The following PARVB variants were observed in gnomAD, a reference collection of about 807,000 sequenced individuals.
PARVB encodes the protein beta-parvin.
Under a neutral mutation model 47.0 loss-of-function variants are expected in PARVB, and 46 were observed. The observed-to-expected ratio is 0.98, with a 90% CI of 0.77 to 1.25. The LOEUF (loss-of-function observed/expected upper bound fraction) is 1.25. Among genes scored for constraint, PARVB ranks in the 50% most tolerant of loss-of-function variants. PARVB has a pLI of 0.00. For missense variants in PARVB, 473 were observed against 471.6 expected, an observed-to-expected ratio of 1.00 and a Z score of -0.03; for synonymous variants, 196 against 196.3, an observed-to-expected ratio of 1.00 and a Z score of 0.01.
intron 4 of PARVB, 151 bp downstream of exon 4, chr22:44,119,291 C>G: frequency 1.5e-6 from 1 of 648,708 alleles, no homozygotes; most frequent in Non-Finnish European, 2.8e-6. Context: ...GTGCCCAGGC[C>G]CTGGGCTGTG....
At chr22:44,030,513 C>T (rs73436651) in intron 1 of PARVB, among the ~76,000 whole-genome samples, 1,902 of 152,066 alleles carry the variant, frequency 0.013, 37 homozygotes, top group African/African-American at 0.04. Flanking sequence ...GAGCTTGGAA[C>T]CCTTGCTGGG....
chr22:44,034,283 GTGTCTTT>G (rs2050877535), intron 1 of PARVB, among the ~76,000 whole-genome samples: 1 of 144,334 alleles, frequency 6.9e-6, no homozygotes, highest in Non-Finnish European at 1.5e-5. Flanking sequence ...TTTGAGATGG[GTGTCTTT>G]ATACATATAT....
At chr22:44,076,013 A>T (rs572858706) in intron 1 of PARVB, among the ~76,000 whole-genome samples, 1 of 152,310 alleles carries the variant, frequency 6.6e-6, no homozygotes, top group East Asian at 1.9e-4. Context: ...GGGGCAGGGG[A>T]CCTGGAGCGC....
At chr22:44,146,779 A>T (rs1262932701) in intron 8 of PARVB, 1 of 152,492 alleles carries the variant, frequency 6.6e-6, no homozygotes, top group Non-Finnish European at 1.5e-5. Context: ...CTCCCTGTCA[A>T]GCTGGGCTCC....
rs546780448 is a variant in PARVB, at chr22:44,057,900, G to T, written c.112+33449G>T. Among the ~76,000 whole-genome samples the T allele has an allele frequency of 4.6e-5, 7 of 152,150 alleles. No homozygotes were observed. The South Asian group carries it at 1.5e-3, about 32-fold the overall frequency. ...AGCCTCCCAGTGTGGCATGAGCTTT[G>T]CTGGAAGCCTGGGCTCTTTGAGAGG... On this transcript the variant is annotated intron_variant, in intron 1 of 12. Coordinates refer to ENST00000338758, the MANE Select transcript of PARVB (RefSeq NM_013327.5).
chr22:44,123,952 A>G (rs2053130616), intron 4 of PARVB, among the ~76,000 whole-genome samples: 1 of 152,250 alleles, frequency 6.6e-6, no homozygotes. Context: ...AGGAGTTGTT[A>G]TTGCTGTTGT....
intron 1 of PARVB, among the ~76,000 whole-genome samples, chr22:44,079,508 A>G (rs1601570361): frequency 6.6e-6 from 1 of 152,098 alleles, no homozygotes; most frequent in African/African-American, 2.4e-5. Flanking sequence ...AACCCATTAA[A>G]TCCCCAGGCT....
rs16991435 is a variant in PARVB at position 44,090,089 on chromosome 22, G to T, written c.113-3839G>T. ...TGTGGGCCATGTGTGGGTGCTCACG[G>T]TTCCCCTTATTCCTCAGGAAATGTG... On this transcript the variant is annotated intron_variant, in intron 1 of 12. Transcript: ENST00000338758. Among the ~76,000 whole-genome samples the T allele has an allele frequency of 2.5e-3, 374 of 152,296 alleles. 2 individuals carry two copies. Among genetic ancestry groups the T allele is most frequent in the African/African-American group, 8.6e-3 (359 of 41,564 alleles).
In PARVB at chr22:44,068,484, G is replaced by A. The variant is rs1028314788; in HGVS notation, c.113-25444G>A. ...TTCAAGGACCTTCCTTTGGGGAAGTGAGTGCTCCCGAGAGCAGCCTGCCGC... is the reference window on the plus strand; with the variant it reads ...TTCAAGGACCTTCCTTTGGGGAAGTAAGTGCTCCCGAGAGCAGCCTGCCGC... On this transcript the variant is annotated intron_variant, in intron 1 of 12. Coordinates refer to ENST00000338758, the MANE Select transcript of PARVB (RefSeq NM_013327.5). The surrounding 1 kb of genome is among the most constrained non-coding windows in gnomAD (Gnocchi z 4.1). 2.0e-5 allele frequency among the ~76,000 whole-genome samples: 3 copies of A among 152,182 alleles called. No homozygotes were observed. The highest frequency in any genetic ancestry group is 2.9e-5 in the Non-Finnish European group (2 of 68,034).
chr22:44,066,624 C>T lies in PARVB; in HGVS notation c.113-27304C>T, dbSNP rs988905576. Among the ~76,000 whole-genome samples the T allele has an allele frequency of 1.3e-5, 2 of 152,300 alleles. 1 individual carries two copies. Among genetic ancestry groups the T allele is most frequent in the African/African-American group, 4.8e-5 (2 of 41,560 alleles). On this transcript the variant is annotated intron_variant, in intron 1 of 12. Coordinates refer to ENST00000338758, the MANE Select transcript of PARVB (RefSeq NM_013327.5). ...ACACATCTGAGTTGAGATCCTGATA[C>T]GCACCCTGTATAAGACCTTCAACAG...
chr22:44,003,546 G>A (rs1195731300), intron 2 of PARVB, among the ~76,000 whole-genome samples: 1 of 152,102 alleles, frequency 6.6e-6, no homozygotes, highest in Admixed American at 6.5e-5. Context: ...AATGTGCTGC[G>A]GCAGCCACGC....
intron 8 of PARVB, chr22:44,140,825 G>C: frequency 3.6e-6 from 1 of 276,668 alleles, no homozygotes; most frequent in South Asian, 3.7e-5. Flanking sequence ...AAGAGAGAGA[G>C]GTAATCACTC....
At chr22:44,114,401 C>G (rs1374728778) in intron 3 of PARVB, 1 of 122,752 alleles carries the variant, frequency 8.1e-6, no homozygotes, top group African/African-American at 3.6e-5. Context: ...TACATTGTTA[C>G]TAAGGCCCTG....
At chr22:44,036,942 G>A (rs560016278) in intron 1 of PARVB, among the ~76,000 whole-genome samples, 26 of 151,538 alleles carry the variant, frequency 1.7e-4, no homozygotes, top group South Asian at 1.3e-3. Context: ...CCATGATTGC[G>A]CCACTGCACT....
At chr22:44,159,216 C>A (rs1037605886) in intron 11 of PARVB, among the ~76,000 whole-genome samples, 5 of 152,206 alleles carry the variant, frequency 3.3e-5, no homozygotes, top group Non-Finnish European at 7.3e-5. Flanking sequence ...CATTTCCAGG[C>A]CCCGATATGG....
intron 1 of PARVB, among the ~76,000 whole-genome samples, chr22:44,065,208 G>C (rs2051495855): frequency 6.6e-6 from 1 of 152,096 alleles, no homozygotes; most frequent in Admixed American, 6.5e-5. Flanking sequence ...TTCCCCAGAT[G>C]AATCAGGGGA....
At chr22:44,102,592 C>CATGAAAA (rs2052474224) in intron 3 of PARVB, among the ~76,000 whole-genome samples, 1 of 152,046 alleles carries the variant, frequency 6.6e-6, no homozygotes, top group South Asian at 2.1e-4. Context: ...AATCCCAGCG[C>CATGAAAA]CCTGGGAGGC....
intron 11 of PARVB, among the ~76,000 whole-genome samples, chr22:44,158,324 G>A (rs902811054): frequency 2.0e-5 from 3 of 152,174 alleles, no homozygotes; most frequent in Admixed American, 1.3e-4. Flanking sequence ...CCATGGGACC[G>A]TGTAGTTTTT....
At chr22:44,088,178 C>T (rs1307299859) in intron 1 of PARVB, among the ~76,000 whole-genome samples, 2 of 152,162 alleles carry the variant, frequency 1.3e-5, no homozygotes, top group African/African-American at 2.4e-5. Context: ...TGTGCTGCTC[C>T]TTGAATATAT....
Sources: gnomAD v4.1 joint callset for allele counts (sites outside exome capture counted in the v4.1 genomes callset) on GRCh38, gnomAD v4.1.1 for gene constraint, Gnocchi (gnomAD v3.1) non-coding constraint, MANE v1.5 for transcripts, NCBI Gene and HGNC (gene_info 2026-07-23, HGNC 2026-07-21) for gene names.